The following LRP2 variants were observed in gnomAD, a reference collection of about 807,000 sequenced individuals.
LRP2 encodes low-density lipoprotein receptor-related protein 2.
Under a neutral mutation model 531.0 loss-of-function variants are expected in LRP2, and 172 were observed. The ratio of observed to expected loss-of-function variants is 0.32; its 90% CI spans 0.29 to 0.37. The LOEUF (loss-of-function observed/expected upper bound fraction) is 0.37. Among genes scored for constraint, LRP2 ranks in the 10% least tolerant of loss-of-function variants. LRP2 has a pLI of 1.00. For synonymous variants in LRP2, 1,992 were observed against 2,027.6 expected (o/e 0.98, Z 0.47); for missense variants, 5,167 against 5,868.3 (o/e 0.88, Z 3.90).
At chr2:169,139,458 G>C in intron 73 of LRP2, 85 bp downstream of exon 73, 3 of 1,612,780 alleles carry the variant, frequency 1.9e-6, no homozygotes, top group Non-Finnish European at 8.5e-7. Context: ...CTCCTTCAAA[G>C]ACTGGGTTAA....
intron 1 of LRP2, among the ~76,000 whole-genome samples, chr2:169,330,966 G>C (rs749098779): frequency 6.6e-6 from 1 of 152,000 alleles, no homozygotes; most frequent in Non-Finnish European, 1.5e-5. Context: ...GCAATCTCAC[G>C]CTGCAGCTGC....
chr2:169,140,110 A>G (rs73032926), intron 72 of LRP2, among the ~76,000 whole-genome samples: 2,188 of 152,358 alleles, frequency 0.014, 54 homozygotes, highest in African/African-American at 0.05. Flanking sequence ...GTAATCAACA[A>G]TACCAGGTGA....
At chr2:169,261,874 C>T (rs1690570318) in intron 16 of LRP2, among the ~76,000 whole-genome samples, 1 of 151,808 alleles carries the variant, frequency 6.6e-6, no homozygotes, top group Non-Finnish European at 1.5e-5. Flanking sequence ...AATCCAGCAG[C>T]ACATCAAAAA....
Position 169,280,318 on chromosome 2 carries a change from G to T in LRP2, c.1341+32C>A, listed in dbSNP as rs752732599. 6.8e-6 allele frequency: 11 copies of T among 1,612,576 alleles called. No individual in the cohort carries two copies. In the Admixed American group the frequency reaches 1.2e-4, roughly 17 times the overall value. The stretch of plus-strand genomic sequence containing the variant: ...AAAGCTATCAACACTTTGTGCTCAG[G>T]GTTCCATTCAGCTACTGAAATTTCT... On this transcript the variant is annotated intron_variant, in intron 11 of 78. Transcript: ENST00000649046.
intron 60 of LRP2, 106 bp from the exon 61 acceptor site, chr2:169,168,782 CT>C: frequency 8.1e-7 from 1 of 1,231,154 alleles, no homozygotes; most frequent in Non-Finnish European, 1.2e-6. Context: ...GCCTGCTCTT[CT>C]TTATTCATCA....
Position 169,213,711 on chromosome 2 carries a change from C to G in LRP2, c.5986G>C (p.Val1996Leu), listed in dbSNP as rs1688677791. Residue 1996 changes from valine (V) to leucine (L), a missense_variant, in exon 36 of 79, where the codon GTC (valine) becomes CTC (leucine). Val to Leu is a conservative substitution (Grantham distance 32). This residue lies in a region of LRP2 where 2,811 missense variants were observed against 3,058.0 expected (regional missense o/e 0.92). Transcript: ENST00000649046. ...VDKATGANKI[V>L]LRDNVPNLRG... ...AGATTTGGAACATTATCTCTCAAGA[C>G]TATTTTGTTGGCCCCAGTGGCCTTA... 1 of 1,613,820 alleles carries G rather than the reference C, an allele frequency of 6.2e-7. No homozygotes were observed. Among genetic ancestry groups the G allele is most frequent in the African/African-American group, 1.3e-5 (1 of 75,020 alleles).
chr2:169,215,856 C>CAT (rs1688770056), intron 35 of LRP2, among the ~76,000 whole-genome samples: 2 of 149,366 alleles, frequency 1.3e-5, no homozygotes, highest in African/African-American at 4.9e-5. Context: ...ATATTCTCTC[C>CAT]ATATATATAG....
At chr2:169,141,110 G>C (rs1685704140) in intron 71 of LRP2, among the ~76,000 whole-genome samples, 1 of 152,094 alleles carries the variant, frequency 6.6e-6, no homozygotes, top group Admixed American at 6.5e-5. Context: ...ATACTCCCAG[G>C]ATGTGCCTGA....
In LRP2 at chr2:169,257,077, C is replaced by T. The variant is rs182233429; in HGVS notation, c.2639+47G>A. The T allele has an allele frequency of 2.1e-4, 336 of 1,609,014 alleles. 3 individuals carry two copies. In the East Asian group the frequency reaches 7.5e-3, roughly 36 times the overall value. ...CACCCAACCTGCCTCATTATGTGTTCTGCAGTAAAAGAGAACTAAGTATCG... is the reference window on the plus strand; with the variant it reads ...CACCCAACCTGCCTCATTATGTGTTTTGCAGTAAAAGAGAACTAAGTATCG... On this transcript the variant is annotated intron_variant, in intron 18 of 78. Coordinates refer to ENST00000649046, the MANE Select transcript of LRP2 (RefSeq NM_004525.3).
chr2:169,272,583 T>C (rs763673029), intron 15 of LRP2, among the ~76,000 whole-genome samples: 1 of 151,966 alleles, frequency 6.6e-6, no homozygotes, highest in African/African-American at 2.4e-5. Flanking sequence ...ATACATAGCA[T>C]AGAAAAGAGC....
chr2:169,163,787 G>A (rs925806806), intron 62 of LRP2, among the ~76,000 whole-genome samples: 3 of 152,106 alleles, frequency 2.0e-5, no homozygotes, highest in East Asian at 1.9e-4. Context: ...GAAAGCTGCC[G>A]TGCTGGCCCT....
chr2:169,151,555 G>C (rs1255853874), intron 67 of LRP2, among the ~76,000 whole-genome samples: 1 of 152,102 alleles, frequency 6.6e-6, no homozygotes, highest in East Asian at 1.9e-4. Context: ...TAGGAACCTG[G>C]TGTCAGCTCA....
At chr2:169,246,675 A>G (rs779588629) in intron 21 of LRP2, 30 bp downstream of exon 21, 3 of 1,613,454 alleles carry the variant, frequency 1.9e-6, no homozygotes, top group South Asian at 2.2e-5. Flanking sequence ...TATTCATCCC[A>G]GGAAATATCG....
At position 169,243,008 on chromosome 2, in the gene LRP2, A is replaced by C. The variant is rs1689864478; in HGVS notation, c.3615T>G (p.Asn1205Lys). 1 of 1,614,180 alleles carries C rather than the reference A, an allele frequency of 6.2e-7. No homozygotes were observed. Among genetic ancestry groups the C allele is most frequent in the Non-Finnish European group, 8.5e-7 (1 of 1,180,024 alleles). ...ASGDKCIGVT[N>K]RCDGVFDCSD... Reference sequence around the variant, plus strand: ...TGCAATCAAAAACACCATCACAACGATTTGTGACGCCAATACATTTATCCC... The same window carrying C: ...TGCAATCAAAAACACCATCACAACGCTTTGTGACGCCAATACATTTATCCC... The change falls in exon 24 of 79, where the codon AAT becomes AAG. Residue 1205 changes from asparagine to lysine, a missense_variant. This residue lies in a region of LRP2 where 2,811 missense variants were observed against 3,058.0 expected (regional missense o/e 0.92). Transcript: ENST00000649046.
intron 1 of LRP2, among the ~76,000 whole-genome samples, chr2:169,348,642 TG>T (rs1685760633): frequency 6.6e-6 from 1 of 152,204 alleles, no homozygotes; most frequent in South Asian, 2.1e-4. Context: ...CTTATCTTTT[TG>T]TAAAAGCTAC....
At chr2:169,180,687 A>T (rs947298200) in intron 52 of LRP2, among the ~76,000 whole-genome samples, 6 of 152,238 alleles carry the variant, frequency 3.9e-5, no homozygotes, top group African/African-American at 1.2e-4. Flanking sequence ...AAATAAAAAA[A>T]TTTGAAATAG....
At chr2:169,316,645 G>A (rs1051404414) in intron 3 of LRP2, among the ~76,000 whole-genome samples, 2 of 152,116 alleles carry the variant, frequency 1.3e-5, no homozygotes, top group African/African-American at 4.8e-5. Flanking sequence ...GAGGTCCAAA[G>A]GTAGTTGAGT....
In LRP2 at chr2:169,137,384, T is replaced by C. The variant is rs990341981; in HGVS notation, c.13620+8A>G. 5.0e-6 allele frequency: 8 copies of C among 1,592,400 alleles called. No homozygotes were observed. Among genetic ancestry groups the C allele is most frequent in the African/African-American group, 1.3e-5 (1 of 74,434 alleles). On this transcript the variant is annotated splice_region_variant and intron_variant, in intron 76 of 78. Transcript: ENST00000649046. ...GTAACTGAAAGAAAAGACTGTATGGTTTCTCACCTGGATTGGCTGAACCAC... is the reference window on the plus strand; with the variant it reads ...GTAACTGAAAGAAAAGACTGTATGGCTTCTCACCTGGATTGGCTGAACCAC...
At position 169,128,868 on chromosome 2, in the gene LRP2, C is replaced by T. The variant is rs116006418; in HGVS notation, c.13801-38G>A. The T allele has an allele frequency of 2.7e-4, 439 of 1,610,922 alleles. 3 individuals are homozygous for T. The African/African-American group carries it at 5.2e-3, about 19-fold the overall frequency. ...TGTAACAGGAATCAGCCATTTATTC[C>T]CCCAAGGTCACCATACACGGTTTTT... is the stretch of plus-strand genomic sequence containing the variant. On this transcript the variant is annotated intron_variant, in intron 78 of 78. Coordinates refer to ENST00000649046, the MANE Select transcript of LRP2 (RefSeq NM_004525.3).
Sources: gnomAD v4.1 joint callset for allele counts (sites outside exome capture counted in the v4.1 genomes callset) on GRCh38, gnomAD v4.1.1 for gene constraint, gnomAD v4.1.1 regional missense constraint, MANE v1.5 for transcripts, NCBI Gene and HGNC (gene_info 2026-07-23, HGNC 2026-07-21) for gene names.